Variants in NDUFS4 observed in about 807,000 individuals in gnomAD.
NDUFS4 encodes the protein NADH:ubiquinone oxidoreductase subunit S4.
In NDUFS4, 28 loss-of-function variants were observed where a neutral mutation model predicts 24.3. That is an observed-to-expected ratio of 1.15 (90% CI 0.85 to 1.58). The LOEUF (loss-of-function observed/expected upper bound fraction) is 1.58, where lower values mean the gene tolerates loss of function less well. NDUFS4 is among the 40% of genes most tolerant of loss of function. NDUFS4 has a pLI of 0.00. For synonymous variants in NDUFS4, 93 were observed against 69.7 expected (o/e 1.34, Z -1.67); for missense variants, 223 against 207.9 (o/e 1.07, Z -0.45).
chr5:53,637,723 A>G (rs187281255), intron 2 of NDUFS4, among the ~76,000 whole-genome samples: 13 of 152,226 alleles, frequency 8.5e-5, no homozygotes, highest in African/African-American at 2.9e-4. Flanking sequence ...ATTCACCCTC[A>G]TGTAATTCTT....
At chr5:53,610,090 T>G (rs1750648737) in intron 2 of NDUFS4, among the ~76,000 whole-genome samples, 1 of 152,220 alleles carries the variant, frequency 6.6e-6, no homozygotes, top group Non-Finnish European at 1.5e-5. Flanking sequence ...GAGGCCTGGC[T>G]TTTGGTCTGT....
intron 1 of NDUFS4, among the ~76,000 whole-genome samples, chr5:53,598,714 A>G (rs1052439443): frequency 6.6e-6 from 1 of 152,202 alleles, no homozygotes; most frequent in African/African-American, 2.4e-5. Flanking sequence ...AAACTGTTTT[A>G]CTTAACCAGA....
In NDUFS4 at chr5:53,571,328, C is replaced by T. The variant is rs553023600; in HGVS notation, c.98+10568C>T. Among the ~76,000 whole-genome samples the T allele has an allele frequency of 2.6e-5, 4 of 152,302 alleles. No individual in the cohort carries two copies. In the South Asian group the frequency reaches 8.3e-4, roughly 32 times the overall value. ...TTTGTGACAGGCTTGTTTCAGTTAG[C>T]ATAATGTTTTCAAGGTTTATCCAAG... On this transcript the variant is annotated intron_variant, in intron 1 of 4. Coordinates refer to ENST00000296684, the MANE Select transcript of NDUFS4 (RefSeq NM_002495.4).
intron 2 of NDUFS4, among the ~76,000 whole-genome samples, chr5:53,621,057 C>G (rs1349785756): frequency 6.6e-6 from 1 of 152,144 alleles, no homozygotes; most frequent in South Asian, 2.1e-4. Flanking sequence ...ACGTCTCAAA[C>G]TATAATTGGT....
chr5:53,595,632 C>T (rs375629143), intron 1 of NDUFS4, among the ~76,000 whole-genome samples: 150 of 152,226 alleles, frequency 9.9e-4, no homozygotes, highest in African/African-American at 3.5e-3. Context: ...TCACACCCTC[C>T]GGTTTCTTTG....
Position 53,619,809 on chromosome 5 carries a change from T to G in NDUFS4, c.177+16279T>G, listed in dbSNP as rs537925696. On this transcript the variant is annotated intron_variant, in intron 2 of 4. Transcript: ENST00000296684. ...ATTTCTTTAAAATTATTCAAAAGCA[T>G]AATTATAAACGAATGTATAATCTTT... Among the ~76,000 whole-genome samples, 62 of 152,330 alleles carry G rather than the reference T, an allele frequency of 4.1e-4. 1 individual carries two copies. The highest frequency in any genetic ancestry group is 1.4e-3 in the African/African-American group (59 of 41,588).
chr5:53,680,701 G>C (rs1362227273), intron 4 of NDUFS4, among the ~76,000 whole-genome samples: 6 of 152,030 alleles, frequency 3.9e-5, no homozygotes, highest in African/African-American at 1.4e-4. Flanking sequence ...GTTGTGGGGT[G>C]GGGGGAGCGG....
intron 2 of NDUFS4, among the ~76,000 whole-genome samples, chr5:53,629,514 A>G (rs530133010): frequency 1.3e-5 from 2 of 152,244 alleles, no homozygotes; most frequent in South Asian, 4.1e-4. Context: ...GTGGGAGGCT[A>G]AGTCTCTCTG....
At chr5:53,591,895 C>T (rs1365690339) in intron 1 of NDUFS4, among the ~76,000 whole-genome samples, 1 of 151,894 alleles carries the variant, frequency 6.6e-6, no homozygotes, top group African/African-American at 2.4e-5. Context: ...GATCTTTTGC[C>T]CACTTTTCAG....
At chr5:53,567,064 T>C (rs1749051660) in intron 1 of NDUFS4, among the ~76,000 whole-genome samples, 2 of 152,102 alleles carry the variant, frequency 1.3e-5, no homozygotes, top group Non-Finnish European at 2.9e-5. Flanking sequence ...TTGGTCAGGC[T>C]GGTCTCAAAC....
intron 2 of NDUFS4, among the ~76,000 whole-genome samples, chr5:53,635,212 TAACC>T (rs951677756): frequency 2.0e-5 from 3 of 150,922 alleles, no homozygotes; most frequent in African/African-American, 7.3e-5. Flanking sequence ...AATAAATAAA[TAACC>T]AACCAACCAA....
In NDUFS4 at chr5:53,653,566, A is replaced by C. The variant is rs561485749; in HGVS notation, c.351-4985A>C. On this transcript the variant is annotated intron_variant, in intron 3 of 4. Transcript: ENST00000296684. ...GACTGTGCTTGCATTGTAGATTTAAACTATAGATACATGTTTCCATATATA... is the reference window on the plus strand; with the variant it reads ...GACTGTGCTTGCATTGTAGATTTAACCTATAGATACATGTTTCCATATATA... Among the ~76,000 whole-genome samples the C allele has an allele frequency of 7.9e-5, 12 of 152,214 alleles. No homozygotes were observed. In the South Asian group the frequency reaches 2.1e-3, roughly 26 times the overall value.
At chr5:53,658,511 G>A in intron 3 of NDUFS4, 40 bp from the exon 4 acceptor site, 1 of 1,399,968 alleles carries the variant, frequency 7.1e-7, no homozygotes, top group Non-Finnish European at 1.0e-6. Flanking sequence ...CTCAGCTAAA[G>A]CTTAATGTTA....
At chr5:53,573,723 C>T (rs72750147) in intron 1 of NDUFS4, 49,127 of 320,420 alleles carry the variant, frequency 0.15, 4,525 homozygotes, top group Middle Eastern at 0.2. Flanking sequence ...CAGGCAGCTG[C>T]GACTATAGGC....
chr5:53,602,580 GTTA>G (rs1183598348), intron 1 of NDUFS4, among the ~76,000 whole-genome samples: 2 of 151,848 alleles, frequency 1.3e-5, no homozygotes, highest in Admixed American at 6.6e-5. Flanking sequence ...TCAATTATTG[GTTA>G]TTATGTTGCA....
At chr5:53,597,036 A>T (rs1038888168) in intron 1 of NDUFS4, among the ~76,000 whole-genome samples, 10 of 152,136 alleles carry the variant, frequency 6.6e-5, no homozygotes, top group Admixed American at 3.3e-4. Context: ...CAAATGTACA[A>T]TTTGGGCAGG....
intron 4 of NDUFS4, among the ~76,000 whole-genome samples, chr5:53,667,220 C>T (rs547785228): frequency 2.6e-5 from 4 of 152,008 alleles, no homozygotes; most frequent in East Asian, 2.0e-4. Context: ...AATCCCAGCA[C>T]TTTGGGAGGC....
chr5:53,591,988 G>A (rs1749976017), intron 1 of NDUFS4, among the ~76,000 whole-genome samples: 3 of 152,090 alleles, frequency 2.0e-5, no homozygotes, highest in African/African-American at 7.2e-5. Context: ...CCAGGCTGGA[G>A]TGCAGTGTGG....
chr5:53,561,137 C>T (rs997993156), intron 1 of NDUFS4, among the ~76,000 whole-genome samples: 39 of 152,118 alleles, frequency 2.6e-4, no homozygotes, highest in Non-Finnish European at 1.8e-4. Context: ...ACCTGTTTGC[C>T]CACCACTCCA....
Sources: allele counts gnomAD v4.1 joint callset (sites outside exome capture counted in the v4.1 genomes callset), GRCh38; gene constraint gnomAD v4.1.1; transcripts MANE v1.5; gene names NCBI Gene and HGNC (gene_info 2026-07-23, HGNC 2026-07-21).